The following PASK variants were observed in gnomAD, a reference collection of about 807,000 sequenced individuals.
PASK encodes PAS domain-containing serine/threonine-protein kinase.
Under a neutral mutation model 121.0 loss-of-function variants are expected in PASK, and 110 were observed. The observed-to-expected ratio is 0.91, with a 90% confidence interval of 0.78 to 1.06. The LOEUF (loss-of-function observed/expected upper bound fraction) is 1.06, where lower values mean the gene tolerates loss of function less well. PASK is among the 50% of genes least tolerant of loss of function. PASK has a pLI of 0.00. For synonymous variants in PASK, 686 were observed against 717.8 expected (o/e 0.96, Z 0.71); for missense variants, 1,643 against 1,702.3 (o/e 0.97, Z 0.61).
At chr2:241,142,811 G>A in intron 2 of PASK, 26 bp downstream of exon 2, 1 of 1,534,314 alleles carries the variant, frequency 6.5e-7, no homozygotes, top group Non-Finnish European at 9.0e-7. Context: ...CACGCGCTAA[G>A]GCCTGCAGTG....
At chr2:241,139,110 T>C (rs1440310443) in intron 4 of PASK, among the ~76,000 whole-genome samples, 1 of 152,228 alleles carries the variant, frequency 6.6e-6, no homozygotes, top group African/African-American at 2.4e-5. Context: ...TTAGTTTTTT[T>C]CTTCTTAGTA....
intron 7 of PASK, 107 bp from the exon 8 acceptor site, chr2:241,136,146 T>TTCA: frequency 9.6e-7 from 1 of 1,037,950 alleles, no homozygotes; most frequent in South Asian, 1.3e-5. Flanking sequence ...TCCCTGAGGG[T>TTCA]TCACCCTTAA....
chr2:241,140,662 C>A lies in PASK; in HGVS notation c.288G>T (p.Thr96=). The change falls in exon 3 of 18, where the codon ACG becomes ACT. Residue 96 remains threonine (T), a synonymous_variant. Transcript: ENST00000234040. The stretch of plus-strand genomic sequence containing the variant: ...CACTGCCCCGCGGTTCGGACGGGTC[C>A]GTGTGCTCAGGGGCAGCAGGGCAGT... ...KLHCPAAPEH[T]DPSEPRGSVS... 1 of 1,614,056 alleles carries A rather than the reference C, an allele frequency of 6.2e-7. No individual in the cohort carries two copies. Among genetic ancestry groups the A allele is most frequent in the South Asian group, 1.1e-5 (1 of 91,082 alleles).
intron 12 of PASK, 40 bp downstream of exon 12, chr2:241,122,692 A>G: frequency 6.3e-7 from 1 of 1,591,094 alleles, no homozygotes; most frequent in Non-Finnish European, 8.6e-7. Context: ...AGCCATGTGA[A>G]GTGGTGCCCG....
Position 241,140,524 on chromosome 2 carries a change from T to C in PASK, c.426A>G (p.Thr142=). The C allele has an allele frequency of 1.2e-6, 2 of 1,600,164 alleles. No individual in the cohort carries two copies. Among genetic ancestry groups the C allele is most frequent in the East Asian group, 2.2e-5 (1 of 44,808 alleles). The change falls in exon 3 of 18, where the codon ACA becomes ACG. Residue 142 remains threonine (T), a synonymous_variant. Transcript: ENST00000234040. The part of the protein sequence containing the change: ...KAIFTVDAKT[T]EILVANDKAC... Reference sequence around the variant, plus strand: ...GATCTAAAAGAGAAGCAAATACCTCTGTGGTCTTGGCATCCACCGTGAAGA... The same window carrying C: ...GATCTAAAAGAGAAGCAAATACCTCCGTGGTCTTGGCATCCACCGTGAAGA...
At position 241,108,366 on chromosome 2, in the gene PASK, GGAAGCACC is replaced by G. The variant is rs2064973869; in HGVS notation, c.3534-74_3534-67del. ...CGCAGGCTTGCCAAGCCCGCCCATG[GGAAGCACC>G]ATGGCCCTTCCCGACCAGCACACAG... is the stretch of plus-strand genomic sequence containing the variant. On this transcript the variant is annotated intron_variant, in intron 15 of 17. Coordinates refer to ENST00000234040, the MANE Select transcript of PASK (RefSeq NM_015148.4). This position sits in a 1 kb window ranked among gnomAD's most constrained non-coding sequence, Gnocchi z 5.2. 1 of 1,515,674 alleles carries G rather than the reference GGAAGCACC, an allele frequency of 6.6e-7. No individual in the cohort carries two copies. Among genetic ancestry groups the G allele is most frequent in the South Asian group, 1.1e-5 (1 of 89,766 alleles). The allele number at this position is 1,515,674 out of a possible 1,614,324, so 93.9% of individuals were successfully genotyped here.
At chr2:241,120,471 C>A (rs556083605) in intron 12 of PASK, among the ~76,000 whole-genome samples, 1 of 138,236 alleles carries the variant, frequency 7.2e-6, no homozygotes, top group Non-Finnish European at 1.6e-5. Flanking sequence ...CCAGCCTGGG[C>A]GACAAAGCAA....
At chr2:241,148,482 C>T (rs2067085098) in intron 1 of PASK, among the ~76,000 whole-genome samples, 1 of 152,124 alleles carries the variant, frequency 6.6e-6, no homozygotes, top group Non-Finnish European at 1.5e-5. Context: ...CCCTACCAAG[C>T]AGAGTGAAGA....
intron 1 of PASK, among the ~76,000 whole-genome samples, chr2:241,146,456 G>T (rs2066960178): frequency 1.3e-5 from 2 of 152,104 alleles, no homozygotes; most frequent in Admixed American, 6.6e-5. Flanking sequence ...AGGGAAGAAA[G>T]GGAGGGAGTG....
rs1235790220 is a variant in PASK at position 241,126,855 on chromosome 2, C to T, written c.2060G>A (p.Cys687Tyr). 9.3e-6 allele frequency: 15 copies of T among 1,612,498 alleles called. No homozygotes were observed. The highest frequency in any genetic ancestry group is 1.7e-5 in the Admixed American group (1 of 59,974). The change falls in exon 10 of 18, where the codon TGC becomes TAC. Residue 687 changes from cysteine (C) to tyrosine (Y), a missense_variant. Physicochemically the swap from Cys to Tyr is radical, Grantham distance 194. Coordinates refer to ENST00000234040, the MANE Select transcript of PASK (RefSeq NM_015148.4). ...CGACACAGGAGCGGTGACAGCCTGG[C>T]ACTCTGTCGGAACGAGTTCGGCGTG... ...VPHAELVPTE[C>Y]QAVTAPVSSC...
At chr2:241,111,889 T>C (rs1164894679) in intron 15 of PASK, among the ~76,000 whole-genome samples, 1 of 152,178 alleles carries the variant, frequency 6.6e-6, no homozygotes, top group Non-Finnish European at 1.5e-5. Flanking sequence ...AAATAGATAT[T>C]ATTCCTGTCA....
chr2:241,114,206 C>T, intron 14 of PASK: 6 of 977,538 alleles, frequency 6.1e-6, no homozygotes, highest in Non-Finnish European at 7.3e-6. Flanking sequence ...CCCTTTTTTG[C>T]AGAACCATAA....
At chr2:241,136,173 G>A (rs920409605) in intron 7 of PASK, 134 bp from the exon 8 acceptor site, 5 of 794,394 alleles carry the variant, frequency 6.3e-6, no homozygotes, top group South Asian at 2.8e-5. Flanking sequence ...GAAAGGCCTC[G>A]GGCCAAATGC....
chr2:241,137,152 G>T lies in PASK; in HGVS notation c.989C>A (p.Ala330Asp). ...SSEEATTGEA[A>D]PVSGYRASVW... ...AGATGCCCGGTAGCCGCTCACAGGG[G>T]CCGCCTCACCGGTGGTCGCCTCCTC... is the stretch of plus-strand genomic sequence containing the variant. The change falls in exon 7 of 18, where the codon GCC becomes GAC. Residue 330 changes from alanine to aspartate, a missense_variant. By Grantham distance (126) the Ala-to-Asp change is moderately radical (BLOSUM62 -2). This residue lies in a region of PASK where 1,176 missense variants were observed against 1,162.2 expected (regional missense o/e 1.01). Transcript: ENST00000234040. The T allele has an allele frequency of 6.2e-7, 1 of 1,613,648 alleles. No individual in the cohort carries two copies. Among genetic ancestry groups the T allele is most frequent in the Non-Finnish European group, 8.5e-7 (1 of 1,179,818 alleles).
chr2:241,124,204 A>G, intron 10 of PASK, 71 bp from the exon 11 acceptor site: 1 of 1,288,704 alleles, frequency 7.8e-7, no homozygotes, highest in South Asian at 1.2e-5. Flanking sequence ...AGGTTAGAAA[A>G]GTCCAGTCCC....
intron 1 of PASK, among the ~76,000 whole-genome samples, chr2:241,147,249 A>G (rs768313396): frequency 6.6e-6 from 1 of 152,236 alleles, no homozygotes; most frequent in Non-Finnish European, 1.5e-5. Flanking sequence ...GTAAAACCTT[A>G]CTTTCTTAAA....
chr2:241,138,617 A>G, intron 5 of PASK, 37 bp downstream of exon 5: 1 of 1,611,566 alleles, frequency 6.2e-7, no homozygotes, highest in Non-Finnish European at 8.5e-7. Flanking sequence ...CGCCGGCTCC[A>G]GCGTCCATGA....
At position 241,140,681 on chromosome 2, in the gene PASK, G is replaced by A; in HGVS notation, c.269C>T (p.Pro90Leu). The change falls in exon 3 of 18, where the codon CCT becomes CTT. Residue 90 changes from proline (P) to leucine (L), a missense_variant. By Grantham distance (98) the Pro-to-Leu change is moderately conservative (BLOSUM62 -3). This residue lies in a region of PASK where 1,176 missense variants were observed against 1,162.2 expected (regional missense o/e 1.01). Transcript: ENST00000234040. ...QNICTSKLHC[P>L]AAPEHTDPSE... Reference sequence around the variant, plus strand: ...CGGGTCCGTGTGCTCAGGGGCAGCAGGGCAGTGCAGTTTACTTGTACAAAT... The same window carrying A: ...CGGGTCCGTGTGCTCAGGGGCAGCAAGGCAGTGCAGTTTACTTGTACAAAT... The A allele has an allele frequency of 1.9e-6, 3 of 1,614,148 alleles. No individual in the cohort carries two copies. Among genetic ancestry groups the A allele is most frequent in the Non-Finnish European group, 2.5e-6 (3 of 1,179,974 alleles).
intron 9 of PASK, 76 bp downstream of exon 9, chr2:241,132,798 C>T: frequency 2.5e-6 from 3 of 1,203,746 alleles, no homozygotes; most frequent in Non-Finnish European, 3.7e-6. Context: ...GAACATTTCT[C>T]TCTGACTTGT....
Sources: gnomAD v4.1 joint callset for allele counts (sites outside exome capture counted in the v4.1 genomes callset) on GRCh38, gnomAD v4.1.1 for gene constraint, gnomAD v4.1.1 regional missense constraint, Gnocchi (gnomAD v3.1) non-coding constraint, MANE v1.5 for transcripts, NCBI Gene and HGNC (gene_info 2026-07-23, HGNC 2026-07-21) for gene names.